Variants in TRPM4 observed in about 807,000 individuals in gnomAD.
TRPM4 encodes calcium-activated non-selective cation channel 1.
In TRPM4, 124 loss-of-function variants were observed where a neutral mutation model predicts 135.6. The observed-to-expected ratio is 0.91, with a 90% CI of 0.79 to 1.06. The LOEUF (loss-of-function observed/expected upper bound fraction) is 1.06, where lower values mean the gene tolerates loss of function less well. Among genes scored for constraint, TRPM4 ranks in the 50% least tolerant of loss-of-function variants. The pLI is 0.00. For missense variants in TRPM4, 1,658 were observed against 1,671.4 expected (o/e 0.99, Z 0.14); for synonymous variants, 745 against 705.6 (o/e 1.06, Z -0.88).
intron 9 of TRPM4, among the ~76,000 whole-genome samples, chr19:49,176,647 T>G (rs1967706128): frequency 6.6e-6 from 1 of 151,818 alleles, no homozygotes; most frequent in Non-Finnish European, 1.5e-5. Flanking sequence ...AGGTCAGGAG[T>G]TCGAGATCAG....
At chr19:49,197,366 C>T (rs868061134) in intron 17 of TRPM4, among the ~76,000 whole-genome samples, 46 of 102,900 alleles carry the variant, frequency 4.5e-4, no homozygotes, top group African/African-American at 1.1e-3. Flanking sequence ...CTTTCTTTCT[C>T]TCTCTTTCTT....
intron 13 of TRPM4, 22 bp from the exon 14 acceptor site, chr19:49,188,924 A>G: frequency 1.2e-6 from 2 of 1,613,946 alleles, no homozygotes; most frequent in Non-Finnish European, 1.7e-6. Flanking sequence ...TCCCTGTCAC[A>G]TAACTAACTC....
rs376735070 is a variant in TRPM4, at chr19:49,176,130, G to T, written c.1150+4022G>T. Among the ~76,000 whole-genome samples, 90 of 147,270 alleles carry T rather than the reference G, an allele frequency of 6.1e-4. 1 individual carries two copies. The highest frequency in any genetic ancestry group is 2.1e-3 in the African/African-American group (84 of 39,678). ...GTACAGACAGGGTTTCGCCATGTTG[G>T]CCAGGCTGGTTTTGAACTCCTGACC... On this transcript the variant is annotated intron_variant, in intron 9 of 24. Transcript: ENST00000252826.
intron 9 of TRPM4, among the ~76,000 whole-genome samples, chr19:49,180,617 A>G (rs909495820): frequency 6.6e-6 from 1 of 151,806 alleles, no homozygotes; most frequent in Admixed American, 6.6e-5. Flanking sequence ...GGGCCACTCT[A>G]TACCTCTGTG....
intron 9 of TRPM4, among the ~76,000 whole-genome samples, chr19:49,180,600 C>T (rs1967880799): frequency 6.6e-6 from 1 of 151,948 alleles, no homozygotes; most frequent in Non-Finnish European, 1.5e-5. Flanking sequence ...TCTCTGGGAG[C>T]TCTCTTGGGC....
chr19:49,160,720 TGGGGTTGGCTCTG>T (rs1966928952), intron 2 of TRPM4, among the ~76,000 whole-genome samples: 1 of 151,464 alleles, frequency 6.6e-6, no homozygotes, highest in Middle Eastern at 3.4e-3. Context: ...ACCGCAGCAG[TGGGGTTGGCTCTG>T]GGTGTGGAAA....
At chr19:49,187,594 C>T (rs1167638674) in intron 12 of TRPM4, among the ~76,000 whole-genome samples, 1 of 152,146 alleles carries the variant, frequency 6.6e-6, no homozygotes, top group African/African-American at 2.4e-5. Context: ...AGCAATCCTC[C>T]TCATTTGTAA....
intron 20 of TRPM4, among the ~76,000 whole-genome samples, chr19:49,207,051 C>T (rs1277020033): frequency 1.3e-5 from 2 of 152,188 alleles, no homozygotes; most frequent in Admixed American, 1.3e-4. Flanking sequence ...TCTTGTGATT[C>T]TCTGGCATTT....
chr19:49,190,743 A>G lies in TRPM4; in HGVS notation c.2180A>G (p.Asp727Gly), dbSNP rs1968381804. 2 of 1,613,888 alleles carry G rather than the reference A, an allele frequency of 1.2e-6. No individual in the cohort carries two copies. Among genetic ancestry groups the G allele is most frequent in the Admixed American group, 1.7e-5 (1 of 59,984 alleles). Reference protein sequence around the residue: ...PTREELEFDMDSVINGEGPVG... With the variant: ...PTREELEFDMGSVINGEGPVG... The stretch of plus-strand genomic sequence containing the variant: ...CGGGAGGAGCTAGAGTTTGACATGG[A>G]TAGTGTCATTAATGGGGAAGGGCCT... Residue 727 changes from aspartate to glycine, a missense_variant, in exon 16 of 25, where the codon GAT becomes GGT. Physicochemically the swap from Asp to Gly is moderately conservative, Grantham distance 94. Transcript: ENST00000252826.
intron 9 of TRPM4, among the ~76,000 whole-genome samples, chr19:49,175,922 C>T (rs1460941527): frequency 1.3e-4 from 19 of 141,058 alleles, no homozygotes; most frequent in Non-Finnish European, 2.2e-4. Context: ...CCACGGCGCC[C>T]GGCCTCTTTT....
intron 16 of TRPM4, among the ~76,000 whole-genome samples, chr19:49,191,213 T>TC (rs1968399520): frequency 6.6e-6 from 1 of 152,066 alleles, no homozygotes; most frequent in Non-Finnish European, 1.5e-5. Flanking sequence ...GTTCTTTTTT[T>TC]CTTTTTTTTT....
At chr19:49,200,811 C>T (rs1968901553) in intron 19 of TRPM4, 26 bp downstream of exon 19, 3 of 1,612,658 alleles carry the variant, frequency 1.9e-6, no homozygotes, top group Non-Finnish European at 2.5e-6. Flanking sequence ...GCCTGACAGC[C>T]TTCCTCTGAG....
At chr19:49,180,027 C>T (rs981262993) in intron 9 of TRPM4, among the ~76,000 whole-genome samples, 15 of 152,122 alleles carry the variant, frequency 9.9e-5, no homozygotes, top group African/African-American at 3.6e-4. Flanking sequence ...ACTGGTGGAC[C>T]GGGGACTGGA....
In TRPM4 at chr19:49,211,685, C is replaced by G. The variant is rs1868859727; in HGVS notation, c.*187C>G. On this transcript the variant is annotated 3_prime_UTR_variant, in exon 25 of 25. Coordinates refer to ENST00000252826, the MANE Select transcript of TRPM4 (RefSeq NM_017636.4). This position sits in a 1 kb window ranked among gnomAD's most constrained non-coding sequence, Gnocchi z 4.8. ...ACAAACCACAGCATGCCCGGCTCCT[C>G]CCAGAACCAGTCCCAGCCTGGGAGG... is the stretch of plus-strand genomic sequence containing the variant. 9.2e-6 allele frequency: 7 copies of G among 762,082 alleles called. No individual in the cohort carries two copies. Among genetic ancestry groups the G allele is most frequent in the Non-Finnish European group, 1.6e-5 (7 of 446,046 alleles). The allele number at this position is 762,082 out of a possible 1,614,324, so 47.2% of individuals were successfully genotyped here.
rs1028804995 is a variant in TRPM4 at position 49,210,789 on chromosome 19, C to T, written c.3408C>T (p.Arg1136=). Residue 1136 remains arginine (R), a synonymous_variant, in exon 22 of 25, where the codon CGC becomes CGT. Coordinates refer to ENST00000252826, the MANE Select transcript of TRPM4 (RefSeq NM_017636.4). This position sits in a 1 kb window ranked among gnomAD's most constrained non-coding sequence, Gnocchi z 4.1. ...ATAAGGAGAACTTTCTGCTGGCACGCGCTAGGGACAAGCGGGAGAGCGACT... is the reference window on the plus strand; with the variant it reads ...ATAAGGAGAACTTTCTGCTGGCACGTGCTAGGGACAAGCGGGAGAGCGACT... ...SVHKENFLLA[R]ARDKRESDSE... is the part of the protein sequence containing the mutation. 1 of 1,613,952 alleles carries T rather than the reference C, an allele frequency of 6.2e-7. No individual in the cohort carries two copies.
At chr19:49,187,703 G>C (rs138426685) in intron 12 of TRPM4, among the ~76,000 whole-genome samples, 49 of 152,290 alleles carry the variant, frequency 3.2e-4, no homozygotes, top group Admixed American at 5.2e-4. Flanking sequence ...AGAGCCGGCT[G>C]TGCGGGAGAC....
At chr19:49,201,615 T>C (rs1968936244) in intron 19 of TRPM4, among the ~76,000 whole-genome samples, 2 of 152,212 alleles carry the variant, frequency 1.3e-5, no homozygotes, top group Non-Finnish European at 2.9e-5. Flanking sequence ...CTTTACTTTT[T>C]ACATGGAGTT....
chr19:49,175,761 C>T (rs1600434595), intron 9 of TRPM4, among the ~76,000 whole-genome samples: 1 of 143,052 alleles, frequency 7.0e-6, no homozygotes, highest in Non-Finnish European at 1.5e-5. Context: ...CCTGGGTTCA[C>T]GCCATTCTCC....
chr19:49,182,846 T>A lies in TRPM4; in HGVS notation c.1532T>A (p.Leu511Gln), dbSNP rs200508171. ...PDVGHVLRML[L>Q]GKMCAPRYPS... The stretch of plus-strand genomic sequence containing the variant: ...GTGGGGCATGTGCTGAGGATGCTGC[T>A]GGGGAAGATGTGCGCGCCGAGGTAC... Residue 511 changes from leucine (L) to glutamine (Q), a missense_variant, in exon 11 of 25, where the codon CTG becomes CAG. Transcript: ENST00000252826. The A allele has an allele frequency of 5.0e-5, 81 of 1,612,042 alleles. 1 individual carries two copies. The East Asian group carries it at 1.8e-3, about 35-fold the overall frequency.
Sources: allele counts gnomAD v4.1 joint callset (sites outside exome capture counted in the v4.1 genomes callset), GRCh38; gene constraint gnomAD v4.1.1; non-coding constraint Gnocchi (gnomAD v3.1); transcripts MANE v1.5; gene names NCBI Gene and HGNC (gene_info 2026-07-23, HGNC 2026-07-21).